The following RDX variants were observed in gnomAD, a reference collection of about 807,000 sequenced individuals.
RDX encodes the protein radixin.
Under a neutral mutation model 83.7 loss-of-function variants are expected in RDX, and 32 were observed. The observed-to-expected ratio is 0.38, with a 90% CI of 0.29 to 0.51. The LOEUF (loss-of-function observed/expected upper bound fraction) is 0.51. Ranked by LOEUF, RDX falls within the 20% of genes least tolerant of loss-of-function variation. The pLI is 0.87. For synonymous variants in RDX, 229 were observed against 222.7 expected, an observed-to-expected ratio of 1.03 and a Z score of -0.25; for missense variants, 600 against 689.9, an observed-to-expected ratio of 0.87 and a Z score of 1.46.
intron 8 of RDX, 63 bp from the exon 9 acceptor site, chr11:110,254,172 G>T: frequency 1.4e-6 from 2 of 1,391,200 alleles, no homozygotes; most frequent in Non-Finnish European, 2.0e-6. Context: ...ATAACAATCT[G>T]TACTAAATTT....
chr11:110,179,903 CTTTTTTTTT>C (rs528601645), intron 15 of RDX: 10 of 364,586 alleles, frequency 2.7e-5, no homozygotes, highest in African/African-American at 1.0e-4. Flanking sequence ...TTTCTTTTTT[CTTTTTTTTT>C]TTTTTTTGAG....
At chr11:110,177,172 T>C (rs1862791448) in intron 15 of RDX, among the ~76,000 whole-genome samples, 1 of 152,154 alleles carries the variant, frequency 6.6e-6, no homozygotes, top group Non-Finnish European at 1.5e-5. Context: ...TGGAGAAGAA[T>C]TTCCCACCTC....
intron 14 of RDX, among the ~76,000 whole-genome samples, chr11:110,201,137 T>C (rs1255573197): frequency 2.9e-5 from 4 of 138,664 alleles, no homozygotes; most frequent in African/African-American, 8.4e-5. Context: ...GATCGGGCCA[T>C]TACACTCCAG....
chr11:110,208,162 AG>A (rs1863676361), intron 14 of RDX, among the ~76,000 whole-genome samples: 1 of 152,188 alleles, frequency 6.6e-6, no homozygotes. Context: ...TAACCCACAC[AG>A]AGCATCTGAA....
chr11:110,267,598 T>C (rs757642544), intron 3 of RDX, among the ~76,000 whole-genome samples: 13 of 151,280 alleles, frequency 8.6e-5, no homozygotes, highest in African/African-American at 3.2e-4. Context: ...GCTTTTGGTT[T>C]CAAGACAGCA....
chr11:110,199,994 C>G (rs1863346993), intron 14 of RDX, among the ~76,000 whole-genome samples: 1 of 152,066 alleles, frequency 6.6e-6, no homozygotes, highest in Non-Finnish European at 1.5e-5. Context: ...ATAATAAGAC[C>G]TATTATTTAG....
chr11:110,245,738 G>A (rs954276953), intron 10 of RDX, among the ~76,000 whole-genome samples: 1 of 152,028 alleles, frequency 6.6e-6, no homozygotes, highest in Non-Finnish European at 1.5e-5. Context: ...TCTTCCCCCA[G>A]TAAAATGTAA....
At position 110,207,629 on chromosome 11, in the gene RDX, T is replaced by A. The variant is rs566619282; in HGVS notation, c.1749-7951A>T. ...AAGAATGTTTTTTACCTTTTTTTTT[T>A]AAACAAATCAGAGGAAGAATATTTT... is the stretch of plus-strand genomic sequence containing the variant. On this transcript the variant is annotated intron_variant, in intron 14 of 15. Transcript: ENST00000528498. Among the ~76,000 whole-genome samples, 39 of 152,050 alleles carry A rather than the reference T, an allele frequency of 2.6e-4. No homozygotes were observed. The East Asian group carries it at 5.0e-3, about 20-fold the overall frequency.
At chr11:110,180,380 A>G (rs1862862725) in intron 15 of RDX, among the ~76,000 whole-genome samples, 1 of 152,096 alleles carries the variant, frequency 6.6e-6, no homozygotes, top group South Asian at 2.1e-4. Context: ...GCTGGGATTC[A>G]TTCCCTCCCA....
In RDX at chr11:110,272,609, C is replaced by A; in HGVS notation, c.23G>T (p.Arg8Ile). Residue 8 changes from arginine (R) to isoleucine (I), a missense_variant, in exon 3 of 14, where the codon AGA (arginine) becomes ATA (isoleucine). By Grantham distance (97) the Arg-to-Ile change is moderately conservative. Transcript: ENST00000645495. MPKPINV[R>I]VTTMDAELEF... ...CAGCTCAGCATCCATTGTAGTTACT[C>A]TTACGTTGATCTGTAATAAAAATAA... 1 of 1,608,648 alleles carries A rather than the reference C, an allele frequency of 6.2e-7. No homozygotes were observed. The highest frequency in any genetic ancestry group is 1.1e-5 in the South Asian group (1 of 90,588).
chr11:110,214,092 C>G (rs1330772317), intron 14 of RDX, among the ~76,000 whole-genome samples: 4 of 140,182 alleles, frequency 2.9e-5, no homozygotes, highest in Non-Finnish European at 6.2e-5. Flanking sequence ...ACCTACTCAT[C>G]TGACAAAGGG....
chr11:110,265,201 C>T lies in RDX; in HGVS notation c.97-327G>A, dbSNP rs149084253. ...TTCCGTCTCCATTCAAGTGATTCTC[C>T]TGCCTCAGCCTCCAAAGTAGCTGTG... is the stretch of plus-strand genomic sequence containing the variant. On this transcript the variant is annotated intron_variant, in intron 3 of 13. Coordinates refer to ENST00000645495, the MANE Select transcript of RDX (RefSeq NM_002906.4). Among the ~76,000 whole-genome samples, 951 of 150,976 alleles carry T rather than the reference C, an allele frequency of 6.3e-3. 10 individuals carry two copies. Among genetic ancestry groups the T allele is most frequent in the African/African-American group, 0.021 (856 of 41,164 alleles).
chr11:110,289,623 A>G (rs889219646), intron 1 of RDX, among the ~76,000 whole-genome samples: 13 of 152,096 alleles, frequency 8.5e-5, no homozygotes, highest in Non-Finnish European at 1.8e-4. Context: ...TTTCACTCAG[A>G]GTCCTTATGT....
intron 10 of RDX, among the ~76,000 whole-genome samples, chr11:110,244,363 C>CAAAAAAAAAA (rs71053874): frequency 1.9e-5 from 1 of 51,314 alleles, no homozygotes; most frequent in African/African-American, 7.5e-5. Flanking sequence ...GATTCTGGCT[C>CAAAAAAAAAA]AAAAAAAAAA....
intron 10 of RDX, among the ~76,000 whole-genome samples, chr11:110,244,687 T>C (rs973279851): frequency 1.3e-5 from 2 of 152,180 alleles, no homozygotes; most frequent in Admixed American, 1.3e-4. Context: ...ACCCTTAAAC[T>C]GTATACTTCA....
intron 1 of RDX, 132 bp from the exon 2 acceptor site, chr11:110,279,888 C>T (rs183970520): frequency 3.9e-6 from 2 of 519,388 alleles, no homozygotes; most frequent in Admixed American, 6.7e-5. Flanking sequence ...ATTTCATTCT[C>T]ATTTTCAATA....
At chr11:110,264,348 T>A (rs1010535150) in intron 4 of RDX, 114 bp from the exon 5 acceptor site, 7 of 753,226 alleles carry the variant, frequency 9.3e-6, no homozygotes, top group African/African-American at 1.8e-5. Flanking sequence ...TCTAAATCTA[T>A]GAAGATTTTA....
In RDX at chr11:110,221,834, T is replaced by C. The variant is rs187429225; in HGVS notation, c.1748+10039A>G. 1.4e-4 allele frequency among the ~76,000 whole-genome samples: 21 copies of C among 152,268 alleles called. No homozygotes were observed. The East Asian group carries it at 3.9e-3, about 28-fold the overall frequency. ...TTTATCTCAGTTTTTCTTCTGGCAC[T>C]TAACTACCATACTTTCTATACCTCA... On this transcript the variant is annotated intron_variant, in intron 14 of 15. Transcript: ENST00000528498.
At chr11:110,203,461 T>C (rs1863489689) in intron 14 of RDX, among the ~76,000 whole-genome samples, 1 of 151,000 alleles carries the variant, frequency 6.6e-6, no homozygotes, top group Non-Finnish European at 1.5e-5. Context: ...ACCTAGTATT[T>C]GACAGCACAA....
Sources: allele counts gnomAD v4.1 joint callset (sites outside exome capture counted in the v4.1 genomes callset), GRCh38; gene constraint gnomAD v4.1.1; transcripts MANE v1.5; gene names NCBI Gene and HGNC (gene_info 2026-07-23, HGNC 2026-07-21).